The following CNDP1 variants were observed in gnomAD, a reference collection of about 807,000 sequenced individuals.
CNDP1 encodes the protein carnosine dipeptidase 1, also known as beta-Ala-His dipeptidase.
CNDP1 carries 44 observed loss-of-function variants against 58.1 expected under a neutral mutation model. The observed-to-expected ratio is 0.76, with a 90% confidence interval of 0.60 to 0.97. CNDP1 has a LOEUF of 0.97. Among genes scored for constraint, CNDP1 ranks in the 50% least tolerant of loss-of-function variants. The probability of loss-of-function intolerance (pLI) is 0.00; values close to 1 mark genes in which losing one functional copy is unlikely to be tolerated. For missense variants in CNDP1, 616 were observed against 655.1 expected (o/e 0.94, Z 0.65); for synonymous variants, 254 against 252.6 (o/e 1.01, Z -0.05).
rs1555710825 is a variant in CNDP1 at position 74,572,808 on chromosome 18, A to AAAAAG, written c.841+1541_841+1542insAGAAA. Among the ~76,000 whole-genome samples the AAAAAG allele has an allele frequency of 1.2e-3, 162 of 135,396 alleles. No homozygotes were observed. In the Middle Eastern group the frequency reaches 0.024, roughly 20 times the overall value. The allele number at this position is 135,396 out of a possible 152,430, so 88.8% of individuals were successfully genotyped here. A position where few individuals can be genotyped will look rare whatever the true frequency, so the allele number is the denominator to read the frequency against. On this transcript the variant is annotated intron_variant, in intron 7 of 11. Transcript: ENST00000358821. ...CCTGTATCAAAAAAAAAAAAAAAAAAAAAGAAAGAAAGAAAGAAAGAAAAA... is the reference window on the plus strand; with the variant it reads ...CCTGTATCAAAAAAAAAAAAAAAAAAAAAAGAAAGAAAGAAAGAAAGAAAGAAAAA...
intron 1 of CNDP1, 71 bp downstream of exon 1, chr18:74,534,762 C>A: frequency 6.3e-7 from 1 of 1,582,870 alleles, no homozygotes; most frequent in Non-Finnish European, 8.7e-7. Context: ...GGAGCATGTG[C>A]GTTAAGCCCA....
chr18:74,573,173 T>C (rs1014466780), intron 7 of CNDP1, among the ~76,000 whole-genome samples: 8 of 152,156 alleles, frequency 5.3e-5, no homozygotes, highest in Non-Finnish European at 7.4e-5. Flanking sequence ...CATCTTTCTA[T>C]GCATCTATCC....
At chr18:74,559,790 A>G (rs915810994) in intron 3 of CNDP1, among the ~76,000 whole-genome samples, 11 of 152,136 alleles carry the variant, frequency 7.2e-5, no homozygotes, top group African/African-American at 2.7e-4. Flanking sequence ...TTTAAGGAAA[A>G]GGAAATTGTC....
intron 2 of CNDP1, among the ~76,000 whole-genome samples, chr18:74,556,684 A>C (rs146624198): frequency 1.3e-5 from 2 of 152,288 alleles, no homozygotes; most frequent in East Asian, 3.9e-4. Flanking sequence ...CTGGGTCTTC[A>C]TATCCAGCAC....
intron 5 of CNDP1, among the ~76,000 whole-genome samples, chr18:74,566,500 C>G (rs1032939659): frequency 2.0e-5 from 3 of 152,194 alleles, no homozygotes; most frequent in African/African-American, 4.8e-5. Context: ...ACCAGATACC[C>G]TAAATCATCT....
At chr18:74,583,437 G>A (rs372159773) in intron 10 of CNDP1, 124 bp from the exon 11 acceptor site, 15 of 785,032 alleles carry the variant, frequency 1.9e-5, no homozygotes, top group South Asian at 1.8e-4. Flanking sequence ...CAAATCTAAT[G>A]GTAAAAAAAG....
In CNDP1 at chr18:74,565,338, C is replaced by T. The variant is rs138070334; in HGVS notation, c.556-1895C>T. 7.0e-4 allele frequency among the ~76,000 whole-genome samples: 106 copies of T among 152,260 alleles called. No homozygotes were observed. In the East Asian group the frequency reaches 0.018, roughly 25 times the overall value. On this transcript the variant is annotated intron_variant, in intron 5 of 11. Coordinates refer to ENST00000358821, the MANE Select transcript of CNDP1 (RefSeq NM_032649.6). Reference sequence around the variant, plus strand: ...CATTTCAAAACCAGCCATAATTTCCCAATAGTCCCCCAAAGTCTTAACTCA... The same window carrying T: ...CATTTCAAAACCAGCCATAATTTCCTAATAGTCCCCCAAAGTCTTAACTCA...
chr18:74,542,473 T>C (rs1423131349), intron 1 of CNDP1, among the ~76,000 whole-genome samples: 1 of 152,136 alleles, frequency 6.6e-6, no homozygotes, highest in Non-Finnish European at 1.5e-5. Flanking sequence ...TGTAGGGACA[T>C]TACGTCCCAG....
At chr18:74,555,414 G>A (rs2144651423) in intron 1 of CNDP1, among the ~76,000 whole-genome samples, 1 of 152,268 alleles carries the variant, frequency 6.6e-6, no homozygotes, top group Admixed American at 6.5e-5. Flanking sequence ...CGCCTCTGAT[G>A]GCTCGGGCTG....
In CNDP1 at chr18:74,584,860, G is replaced by A; in HGVS notation, c.*298G>A. ...GGATTGGATTCCTTCAAACCTTTTA[G>A]CATATCTCCAACCTTGCAATTTGAT... On this transcript the variant is annotated 3_prime_UTR_variant, in exon 12 of 12. Coordinates refer to ENST00000358821, the MANE Select transcript of CNDP1 (RefSeq NM_032649.6). 1 of 301,980 alleles carries A rather than the reference G, an allele frequency of 3.3e-6. No homozygotes were observed. Among genetic ancestry groups the A allele is most frequent in the Non-Finnish European group, 6.2e-6 (1 of 161,238 alleles). The allele number at this position is 301,980 out of a possible 1,614,324, so 18.7% of individuals were successfully genotyped here. A position where few individuals can be genotyped will look rare whatever the true frequency, so the allele number is the denominator to read the frequency against.
intron 3 of CNDP1, among the ~76,000 whole-genome samples, chr18:74,560,618 G>C (rs570775388): frequency 6.6e-6 from 1 of 152,184 alleles, no homozygotes; most frequent in South Asian, 2.1e-4. Flanking sequence ...TGAGATGGGA[G>C]AATCACTTGA....
At chr18:74,581,483 C>T (rs1981790680) in intron 10 of CNDP1, among the ~76,000 whole-genome samples, 1 of 152,144 alleles carries the variant, frequency 6.6e-6, no homozygotes, top group Admixed American at 6.5e-5. Flanking sequence ...ACAGGAGCTT[C>T]CTGGAGATGA....
chr18:74,546,419 C>T (rs1033246094), intron 1 of CNDP1, among the ~76,000 whole-genome samples: 1 of 152,202 alleles, frequency 6.6e-6, no homozygotes, highest in Non-Finnish European at 1.5e-5. Flanking sequence ...GGCTTGGTTG[C>T]TGGACTAGCT....
In CNDP1 at chr18:74,562,037, C is replaced by G. The variant is rs770554951; in HGVS notation, c.467-10C>G. The G allele has an allele frequency of 6.2e-7, 1 of 1,613,252 alleles. No individual in the cohort carries two copies. The highest frequency in any genetic ancestry group is 1.3e-5 in the African/African-American group (1 of 74,898). ...ACACTTCTCTGAACATTCTTCTCCC[C>G]TTTTTAAAGGGAAACTTTATGGACG... On this transcript the variant is annotated splice_polypyrimidine_tract_variant and intron_variant, in intron 4 of 11. Transcript: ENST00000358821.
At chr18:74,535,979 C>G (rs62099901) in intron 1 of CNDP1, among the ~76,000 whole-genome samples, 15,769 of 152,082 alleles carry the variant, frequency 0.1, 866 homozygotes, top group Middle Eastern at 0.17. Context: ...CTGCAGTGAG[C>G]CATGGTTGCG....
At chr18:74,578,096 AAC>A in intron 8 of CNDP1, 65 bp from the exon 9 acceptor site, 1 of 1,456,870 alleles carries the variant, frequency 6.9e-7, no homozygotes, top group Non-Finnish European at 9.4e-7. Context: ...AGAGGGTGGT[AAC>A]ACAAGCAACC....
At chr18:74,542,986 C>T (rs1221072533) in intron 1 of CNDP1, among the ~76,000 whole-genome samples, 1 of 152,232 alleles carries the variant, frequency 6.6e-6, no homozygotes, top group Non-Finnish European at 1.5e-5. Context: ...AGCCAAAGTT[C>T]TGAAGTATGT....
intron 7 of CNDP1, among the ~76,000 whole-genome samples, chr18:74,575,839 G>A (rs868698620): frequency 0.019 from 2,861 of 146,908 alleles, 120 homozygotes; most frequent in African/African-American, 0.067. Flanking sequence ...ACATGTGTGT[G>A]TGTGTGTGTG....
chr18:74,582,442 T>C (rs148000502), intron 10 of CNDP1, among the ~76,000 whole-genome samples: 2,680 of 152,304 alleles, frequency 0.018, 25 homozygotes, highest in Non-Finnish European at 0.03. Flanking sequence ...CTTTGAAAAT[T>C]GCTAGAAACA....
Sources: gnomAD v4.1 joint callset for allele counts (sites outside exome capture counted in the v4.1 genomes callset) on GRCh38, gnomAD v4.1.1 for gene constraint, MANE v1.5 for transcripts, NCBI Gene and HGNC (gene_info 2026-07-23, HGNC 2026-07-21) for gene names.